The following MAP2K4 variants were observed in gnomAD, a reference collection of about 807,000 sequenced individuals.
MAP2K4 encodes the protein mitogen-activated protein kinase kinase 4, also known as dual specificity mitogen-activated protein kinase kinase 4.
In MAP2K4, 4 loss-of-function variants were observed where a neutral mutation model predicts 48.5. The ratio of observed to expected loss-of-function variants is 0.08; its 90% CI spans 0.04 to 0.19. The LOEUF (loss-of-function observed/expected upper bound fraction) is 0.19. Among genes scored for constraint, MAP2K4 ranks in the 10% least tolerant of loss-of-function variants. The pLI is 1.00. For synonymous variants in MAP2K4, 166 were observed against 173.1 expected (o/e 0.96, Z 0.32); for missense variants, 258 against 493.3 (o/e 0.52, Z 4.52).
intron 4 of MAP2K4, among the ~76,000 whole-genome samples, chr17:12,096,873 C>T (rs1597463440): frequency 1.3e-5 from 2 of 152,188 alleles, no homozygotes; most frequent in African/African-American, 4.8e-5. Flanking sequence ...TGACAGAGCC[C>T]ATTTCTTTGT....
At chr17:12,123,857 A>G (rs1327968620) in intron 7 of MAP2K4, among the ~76,000 whole-genome samples, 1 of 152,086 alleles carries the variant, frequency 6.6e-6, no homozygotes, top group Non-Finnish European at 1.5e-5. Context: ...ACTGATTTCT[A>G]ATTTATTTAT....
chr17:12,133,999 A>G (rs28921090), intron 9 of MAP2K4, among the ~76,000 whole-genome samples: 2,040 of 152,362 alleles, frequency 0.013, 58 homozygotes, highest in African/African-American at 0.047. Context: ...GAAAAGCTCA[A>G]GCTTTGCTGA....
At chr17:12,101,723 T>C (rs1971944673) in intron 4 of MAP2K4, among the ~76,000 whole-genome samples, 1 of 152,196 alleles carries the variant, frequency 6.6e-6, no homozygotes, top group African/African-American at 2.4e-5. Context: ...TTTATAGTTT[T>C]CGCTGTATAA....
chr17:12,024,556 A>G (rs144775184), intron 1 of MAP2K4, among the ~76,000 whole-genome samples: 1 of 152,224 alleles, frequency 6.6e-6, no homozygotes, highest in East Asian at 1.9e-4. Flanking sequence ...CAAAATGTAG[A>G]TCTGTTTGCC....
chr17:12,028,089 G>A (rs1281789363), intron 1 of MAP2K4, among the ~76,000 whole-genome samples: 1 of 152,144 alleles, frequency 6.6e-6, no homozygotes, highest in Non-Finnish European at 1.5e-5. Context: ...TCACAAATGA[G>A]GAAATTGAGG....
chr17:12,092,941 GCATC>G (rs907020612), intron 3 of MAP2K4, among the ~76,000 whole-genome samples: 9 of 152,164 alleles, frequency 5.9e-5, no homozygotes, highest in Non-Finnish European at 1.2e-4. Flanking sequence ...CAGAAGAATG[GCATC>G]AACCCGGGAG....
chr17:12,076,211 A>G (rs1970996519), intron 2 of MAP2K4, among the ~76,000 whole-genome samples: 3 of 151,506 alleles, frequency 2.0e-5, no homozygotes, highest in Admixed American at 2.0e-4. Flanking sequence ...TTTATTAGAC[A>G]TTGTATAGAA....
intron 1 of MAP2K4, among the ~76,000 whole-genome samples, chr17:12,023,557 A>G (rs755929950): frequency 6.6e-6 from 1 of 152,222 alleles, no homozygotes; most frequent in South Asian, 2.1e-4. Context: ...CTGAAACAGC[A>G]GGATTCAGTT....
chr17:12,077,609 C>T (rs556655272), intron 2 of MAP2K4, among the ~76,000 whole-genome samples: 4 of 152,214 alleles, frequency 2.6e-5, no homozygotes, highest in African/African-American at 7.2e-5. Context: ...GAGCTCTAGT[C>T]ATTACCTACA....
At chr17:12,087,324 G>A (rs1373548208) in intron 3 of MAP2K4, among the ~76,000 whole-genome samples, 1 of 152,088 alleles carries the variant, frequency 6.6e-6, no homozygotes, top group African/African-American at 2.4e-5. Flanking sequence ...CTGAAATGAT[G>A]ATCTGTCATT....
intron 2 of MAP2K4, among the ~76,000 whole-genome samples, chr17:12,068,161 AAAAAC>A (rs1970675214): frequency 6.6e-6 from 1 of 152,212 alleles, no homozygotes; most frequent in African/African-American, 2.4e-5. Context: ...ATGAGAAAGG[AAAAAC>A]AAACAAATTT....
chr17:12,044,161 T>G (rs2151518535), intron 1 of MAP2K4, among the ~76,000 whole-genome samples: 1 of 152,312 alleles, frequency 6.6e-6, no homozygotes, highest in Admixed American at 6.5e-5. Flanking sequence ...ACAGTTATAT[T>G]TTTCATTGTA....
At chr17:12,120,885 A>G in intron 7 of MAP2K4, among the ~76,000 whole-genome samples, 1 of 152,362 alleles carries the variant, frequency 6.6e-6, no homozygotes, top group African/African-American at 2.4e-5. Context: ...TGTTTGTTGT[A>G]GCTGCTGTTT....
intron 1 of MAP2K4, among the ~76,000 whole-genome samples, chr17:12,026,546 A>T (rs969138601): frequency 6.6e-6 from 1 of 152,222 alleles, no homozygotes; most frequent in South Asian, 2.1e-4. Flanking sequence ...GTAAGTGGAC[A>T]TAGTCCCCTT....
chr17:12,063,926 C>T lies in MAP2K4; in HGVS notation c.218+8935C>T, dbSNP rs28921677. ...GGCGGAGGTTGCCGTAAGTAGAGAT[C>T]ATAACACTGCACTCTAGCTTGGGTG... On this transcript the variant is annotated intron_variant, in intron 2 of 10. Coordinates refer to ENST00000353533, the MANE Select transcript of MAP2K4 (RefSeq NM_003010.4). Among the ~76,000 whole-genome samples, 63 of 133,092 alleles carry T rather than the reference C, an allele frequency of 4.7e-4. No homozygotes were observed. The East Asian group carries it at 0.013, about 28-fold the overall frequency. The allele number at this position is 133,092 out of a possible 152,430, so 87.3% of individuals were successfully genotyped here.
chr17:12,081,635 G>A lies in MAP2K4; in HGVS notation c.393+105G>A, dbSNP rs1971188682. The A allele has an allele frequency of 3.3e-6, 4 of 1,205,528 alleles. No homozygotes were observed. The highest frequency in any genetic ancestry group is 4.6e-6 in the Non-Finnish European group (4 of 860,274). 74.7% of individuals were successfully genotyped at this position (1,205,528 alleles called of 1,614,324 possible). A position where few individuals can be genotyped will look rare whatever the true frequency, so the allele number is the denominator to read the frequency against. ...GTTCCTACTTTTGTGGTAAATGTGG[G>A]TGTTTAAAAAATTGTTTCTCCAACT... On this transcript the variant is annotated intron_variant, in intron 3 of 10. Transcript: ENST00000353533. The surrounding 1 kb of genome is among the most constrained non-coding windows in gnomAD (Gnocchi z 4.2).
chr17:12,099,988 C>T (rs1971885181), intron 4 of MAP2K4, among the ~76,000 whole-genome samples: 1 of 152,082 alleles, frequency 6.6e-6, no homozygotes. Context: ...AAGTTACCTC[C>T]CCCTTTTTTA....
chr17:12,021,225 G>A (rs1435104833), intron 1 of MAP2K4: 2 of 307,912 alleles, frequency 6.5e-6, no homozygotes, highest in East Asian at 5.0e-5. Context: ...CTCTGCCTGC[G>A]CTTGGCCCCT....
Position 12,065,184 on chromosome 17 carries a change from G to A in MAP2K4, c.218+10193G>A, listed in dbSNP as rs529459232. ...ATTGAGCCACATATGCTTATGATTT[G>A]TGCATCTCACTCTATGTAAATGATG... On this transcript the variant is annotated intron_variant, in intron 2 of 10. Coordinates refer to ENST00000353533, the MANE Select transcript of MAP2K4 (RefSeq NM_003010.4). 6.0e-4 allele frequency among the ~76,000 whole-genome samples: 91 copies of A among 151,418 alleles called. 2 individuals carry two copies. Among genetic ancestry groups the A allele is most frequent in the Admixed American group, 7.2e-4 (11 of 15,212 alleles).
Sources: allele counts gnomAD v4.1 joint callset (sites outside exome capture counted in the v4.1 genomes callset), GRCh38; gene constraint gnomAD v4.1.1; non-coding constraint Gnocchi (gnomAD v3.1); transcripts MANE v1.5; gene names NCBI Gene and HGNC (gene_info 2026-07-23, HGNC 2026-07-21).